Variants in SESTD1 observed in about 807,000 individuals in gnomAD.
The protein encoded by SESTD1 is SEC14 and spectrin domain containing 1, also known as SEC14 domain and spectrin repeat-containing protein 1.
A neutral mutation model predicts 101.7 loss-of-function variants in SESTD1; 43 were observed. That is an observed-to-expected ratio of 0.42 (90% CI 0.33 to 0.55). SESTD1 has a LOEUF of 0.55. SESTD1 is among the 20% of genes least tolerant of loss of function. The pLI is 0.07. For synonymous variants in SESTD1, 283 were observed against 286.8 expected (o/e 0.99, Z 0.13); for missense variants, 647 against 815.1 (o/e 0.79, Z 2.51).
At chr2:179,116,064 A>G (rs2044624372) in intron 15 of SESTD1, among the ~76,000 whole-genome samples, 1 of 152,158 alleles carries the variant, frequency 6.6e-6, no homozygotes, top group African/African-American at 2.4e-5. Context: ...GCTTGAGGTC[A>G]GGAGTTTAAG....
intron 5 of SESTD1, among the ~76,000 whole-genome samples, chr2:179,156,144 ATATATATGTG>A (rs551646200): frequency 5.5e-4 from 84 of 152,012 alleles, no homozygotes; most frequent in Non-Finnish European, 9.1e-4. Flanking sequence ...GTATATATGT[ATATATATGTG>A]TATATATGTA....
At chr2:179,197,767 T>G (rs1162349707) in intron 1 of SESTD1, among the ~76,000 whole-genome samples, 1 of 151,844 alleles carries the variant, frequency 6.6e-6, no homozygotes, top group Non-Finnish European at 1.5e-5. Flanking sequence ...GCTGAGAGAT[T>G]TTGTCACCAC....
At chr2:179,138,500 G>A (rs781575295) in intron 9 of SESTD1, among the ~76,000 whole-genome samples, 22 of 152,106 alleles carry the variant, frequency 1.4e-4, no homozygotes, top group Non-Finnish European at 2.6e-4. Flanking sequence ...TCAAAATGGA[G>A]TCACTAATAT....
chr2:179,163,301 AC>A (rs1559122632), intron 5 of SESTD1, among the ~76,000 whole-genome samples: 1 of 152,178 alleles, frequency 6.6e-6, no homozygotes, highest in Non-Finnish European at 1.5e-5. Flanking sequence ...CGACACTTTA[AC>A]ATATGCTTTA....
At position 179,225,148 on chromosome 2, in the gene SESTD1, T is replaced by A. The variant is rs188602870; in HGVS notation, c.-25-33282A>T. ...GTTAGAACTGAGTTAAATTACAGGA[T>A]ACCCAGTTGGTGTCAGCTGGCAAAT... On this transcript the variant is annotated intron_variant, in intron 1 of 17. Transcript: ENST00000428443. 4.0e-4 allele frequency among the ~76,000 whole-genome samples: 61 copies of A among 152,278 alleles called. 2 individuals carry two copies. In the East Asian group the frequency reaches 0.011, roughly 27 times the overall value.
intron 1 of SESTD1, among the ~76,000 whole-genome samples, chr2:179,251,576 G>A (rs1299663602): frequency 6.6e-6 from 1 of 152,168 alleles, no homozygotes; most frequent in Non-Finnish European, 1.5e-5. Context: ...GCAGTGTCCA[G>A]CATGATCCTG....
At chr2:179,226,874 C>A (rs1222201845) in intron 1 of SESTD1, among the ~76,000 whole-genome samples, 1 of 152,108 alleles carries the variant, frequency 6.6e-6, no homozygotes, top group Non-Finnish European at 1.5e-5. Context: ...AATGATCCTG[C>A]CAGCTTTCTC....
chr2:179,217,164 G>A (rs1328796832), intron 1 of SESTD1, among the ~76,000 whole-genome samples: 3 of 152,090 alleles, frequency 2.0e-5, no homozygotes, highest in African/African-American at 4.8e-5. Context: ...GCTTCTGCAT[G>A]GCAAAAGAAA....
intron 1 of SESTD1, among the ~76,000 whole-genome samples, chr2:179,230,503 G>T (rs193112572): frequency 6.6e-6 from 1 of 151,742 alleles, no homozygotes; most frequent in Admixed American, 6.6e-5. Flanking sequence ...ATATAAACCT[G>T]AAAATAGAAT....
chr2:179,130,332 A>G (rs1207785728), intron 10 of SESTD1, among the ~76,000 whole-genome samples: 6 of 152,140 alleles, frequency 3.9e-5, no homozygotes, highest in Non-Finnish European at 8.8e-5. Flanking sequence ...TCTATAAGGT[A>G]TTTTGCAATT....
intron 10 of SESTD1, among the ~76,000 whole-genome samples, chr2:179,131,466 C>G (rs1463114771): frequency 6.6e-6 from 1 of 152,106 alleles, no homozygotes; most frequent in East Asian, 1.9e-4. Flanking sequence ...CATCTGGGTC[C>G]AGAGTTTAAC....
chr2:179,188,520 C>T (rs374505655), intron 2 of SESTD1, among the ~76,000 whole-genome samples: 1 of 152,118 alleles, frequency 6.6e-6, no homozygotes, highest in Non-Finnish European at 1.5e-5. Flanking sequence ...CACCTGTAGT[C>T]TCAGCTAATT....
At chr2:179,194,307 C>A (rs1559138430) in intron 1 of SESTD1, among the ~76,000 whole-genome samples, 1 of 152,144 alleles carries the variant, frequency 6.6e-6, no homozygotes, top group African/African-American at 2.4e-5. Context: ...ATTTTGGCCT[C>A]AGAAAAAGTT....
intron 5 of SESTD1, among the ~76,000 whole-genome samples, chr2:179,160,424 G>C (rs953211203): frequency 7.2e-5 from 11 of 151,862 alleles, no homozygotes; most frequent in African/African-American, 2.7e-4. Context: ...CCGTGAATTA[G>C]AGCACAAATA....
At chr2:179,192,622 A>C (rs1294061476) in intron 1 of SESTD1, among the ~76,000 whole-genome samples, 1 of 152,190 alleles carries the variant, frequency 6.6e-6, no homozygotes, top group African/African-American at 2.4e-5. Flanking sequence ...AGCTAAATAC[A>C]AAAAGGGACT....
intron 1 of SESTD1, among the ~76,000 whole-genome samples, chr2:179,242,665 T>G (rs534380683): frequency 6.6e-6 from 1 of 152,000 alleles, no homozygotes; most frequent in South Asian, 2.1e-4. Context: ...AAGACAAACC[T>G]CAGCCATCTG....
Position 179,260,208 on chromosome 2 carries a change from T to C in SESTD1, c.-26+4291A>G, listed in dbSNP as rs181709766. ...CATATCATTTAATATTTCAAGACTC[T>C]TATGAGGTAGGAGTTATTGTCATTT... On this transcript the variant is annotated intron_variant, in intron 1 of 17. Transcript: ENST00000428443. Among the ~76,000 whole-genome samples the C allele has an allele frequency of 1.3e-3, 203 of 152,340 alleles. 2 individuals carry two copies. The highest frequency in any genetic ancestry group is 4.6e-3 in the African/African-American group (193 of 41,580).
chr2:179,168,479 C>A, intron 5 of SESTD1, among the ~76,000 whole-genome samples: 1 of 151,830 alleles, frequency 6.6e-6, no homozygotes, highest in South Asian at 2.1e-4. Flanking sequence ...CTGGCCCTAA[C>A]CCCTGCATTG....
chr2:179,146,321 G>T, intron 8 of SESTD1, 81 bp downstream of exon 8: 1 of 1,304,644 alleles, frequency 7.7e-7, no homozygotes, highest in Non-Finnish European at 1.1e-6. Flanking sequence ...CCACATTCAT[G>T]CTGAATTCAT....
Sources: gnomAD v4.1 joint callset for allele counts (sites outside exome capture counted in the v4.1 genomes callset) on GRCh38, gnomAD v4.1.1 for gene constraint, MANE v1.5 for transcripts, NCBI Gene and HGNC (gene_info 2026-07-23, HGNC 2026-07-21) for gene names.